Variants in DCLK1 observed in about 807,000 individuals in gnomAD.
DCLK1 encodes the protein serine/threonine-protein kinase DCLK1.
DCLK1 carries 16 observed loss-of-function variants against 86.2 expected under a neutral mutation model. The ratio of observed to expected loss-of-function variants is 0.19; its 90% CI spans 0.13 to 0.28. DCLK1 has a LOEUF of 0.28. Among genes scored for constraint, DCLK1 ranks in the 10% least tolerant of loss-of-function variants. The pLI is 1.00. For missense variants in DCLK1, 590 were observed against 940.2 expected (o/e 0.63, Z 4.87); for synonymous variants, 369 against 370.5 (o/e 1.00, Z 0.05).
chr13:35,815,519 A>G (rs563722731), intron 11 of DCLK1, among the ~76,000 whole-genome samples: 83 of 152,362 alleles, frequency 5.4e-4, no homozygotes, highest in African/African-American at 1.8e-3. Context: ...AGAGGAGCTC[A>G]GTAGGAACTA....
At chr13:35,991,440 C>T (rs1008393807) in intron 3 of DCLK1, among the ~76,000 whole-genome samples, 1 of 152,048 alleles carries the variant, frequency 6.6e-6, no homozygotes, top group Non-Finnish European at 1.5e-5. Flanking sequence ...GGCTGAGGAT[C>T]ACTTGAGCCC....
intron 4 of DCLK1, among the ~76,000 whole-genome samples, chr13:35,926,836 C>A (rs1445509432): frequency 5.3e-5 from 8 of 152,322 alleles, no homozygotes. Flanking sequence ...TCCAGGGTCA[C>A]ACAGGTGAGA....
chr13:35,828,441 C>CTT (rs144573272), intron 8 of DCLK1, 134 bp from the exon 9 acceptor site: 35 of 711,298 alleles, frequency 4.9e-5, no homozygotes, highest in Non-Finnish European at 6.9e-5. Flanking sequence ...ATTTCCTTTC[C>CTT]TTTTTTAAAA....
intron 3 of DCLK1, among the ~76,000 whole-genome samples, chr13:36,069,465 C>A (rs1883886944): frequency 6.6e-6 from 1 of 152,158 alleles, no homozygotes; most frequent in Non-Finnish European, 1.5e-5. Context: ...CACCCTGAGG[C>A]TCCACATATC....
intron 4 of DCLK1, among the ~76,000 whole-genome samples, chr13:35,891,042 G>T: frequency 6.6e-6 from 1 of 151,514 alleles, no homozygotes; most frequent in African/African-American, 2.4e-5. Flanking sequence ...ATTCTGATTG[G>T]CCAATCTGTT....
chr13:35,843,327 C>T (rs146484413), intron 6 of DCLK1, among the ~76,000 whole-genome samples: 83 of 152,250 alleles, frequency 5.5e-4, no homozygotes, highest in African/African-American at 1.9e-3. Context: ...TTAATGGGAA[C>T]CATTTGGGCA....
intron 3 of DCLK1, among the ~76,000 whole-genome samples, chr13:36,072,629 T>C (rs1884019950): frequency 6.6e-6 from 1 of 152,234 alleles, no homozygotes; most frequent in Non-Finnish European, 1.5e-5. Flanking sequence ...TCTCTTCTTC[T>C]ACCCCCAGCC....
intron 6 of DCLK1, chr13:35,850,514 TG>T: frequency 8.1e-7 from 1 of 1,232,716 alleles, no homozygotes; most frequent in Non-Finnish European, 1.0e-6. Flanking sequence ...ATCAAATCCA[TG>T]TGGGAGATAT....
chr13:36,079,619 C>T (rs576438256), intron 3 of DCLK1, among the ~76,000 whole-genome samples: 27 of 152,038 alleles, frequency 1.8e-4, no homozygotes, highest in African/African-American at 4.8e-4. Flanking sequence ...GGGACAAAAG[C>T]GAGACTCCAT....
At chr13:35,842,464 A>C (rs1869879626) in intron 6 of DCLK1, among the ~76,000 whole-genome samples, 1 of 151,868 alleles carries the variant, frequency 6.6e-6, no homozygotes, top group South Asian at 2.1e-4. Context: ...TGAGCCCACA[A>C]ATTCAAGACC....
intron 4 of DCLK1, among the ~76,000 whole-genome samples, chr13:35,873,022 A>ATTTT (rs1454902032): frequency 2.6e-5 from 4 of 152,074 alleles, no homozygotes; most frequent in Non-Finnish European, 5.9e-5. Context: ...TCATTCCCCT[A>ATTTT]TTGATAGAAA....
chr13:35,799,500 C>T (rs2086878301), intron 15 of DCLK1, among the ~76,000 whole-genome samples: 2 of 152,196 alleles, frequency 1.3e-5, no homozygotes, highest in Admixed American at 1.3e-4. Flanking sequence ...ATCTGCCCGC[C>T]TCGGCCTCCC....
At chr13:36,021,912 ATATAG>A (rs1160306497) in intron 3 of DCLK1, among the ~76,000 whole-genome samples, 1 of 152,132 alleles carries the variant, frequency 6.6e-6, no homozygotes, top group African/African-American at 2.4e-5. Flanking sequence ...GAATAGAACT[ATATAG>A]TACAGCCCAC....
At chr13:36,118,637 T>C (rs756234523) in intron 2 of DCLK1, among the ~76,000 whole-genome samples, 18 of 151,962 alleles carry the variant, frequency 1.2e-4, no homozygotes, top group Non-Finnish European at 2.2e-4. Context: ...GTTGGAGAAA[T>C]GTCTTAGCAG....
intron 4 of DCLK1, among the ~76,000 whole-genome samples, chr13:35,913,668 C>T (rs943305437): frequency 6.6e-6 from 1 of 152,128 alleles, no homozygotes; most frequent in African/African-American, 2.4e-5. Context: ...CAATGTTAGG[C>T]AGAAACAGAA....
At chr13:35,875,951 T>C (rs887037451) in intron 4 of DCLK1, among the ~76,000 whole-genome samples, 31 of 152,250 alleles carry the variant, frequency 2.0e-4, no homozygotes, top group Admixed American at 1.4e-3. Flanking sequence ...GCTTCCTCAC[T>C]ACCCCCAGTA....
chr13:35,886,588 A>G (rs1873272620), intron 4 of DCLK1, among the ~76,000 whole-genome samples: 1 of 152,212 alleles, frequency 6.6e-6, no homozygotes. Context: ...TAAGTGCTGC[A>G]TATGAATTAG....
At chr13:35,947,308 T>A in intron 4 of DCLK1, 50 bp downstream of exon 4, 1 of 1,522,310 alleles carries the variant, frequency 6.6e-7, no homozygotes, top group Non-Finnish European at 9.1e-7. Flanking sequence ...CAGCTCATTT[T>A]CGAAAGCTGC....
At chr13:35,913,132 T>A (rs1027601421) in intron 4 of DCLK1, among the ~76,000 whole-genome samples, 1 of 152,318 alleles carries the variant, frequency 6.6e-6, no homozygotes, top group Non-Finnish European at 1.5e-5. Flanking sequence ...TCTTGTACCA[T>A]GCAGCTTGAT....
Sources: allele counts gnomAD v4.1 joint callset (sites outside exome capture counted in the v4.1 genomes callset), GRCh38; gene constraint gnomAD v4.1.1; transcripts MANE v1.5; gene names NCBI Gene and HGNC (gene_info 2026-07-23, HGNC 2026-07-21).